The following SPINK8 variants were observed in gnomAD, a reference collection of about 807,000 sequenced individuals.
The protein encoded by SPINK8 is serine peptidase inhibitor Kazal type 8 (putative).
SPINK8 carries 12 observed loss-of-function variants against 14.4 expected under a neutral mutation model. The observed-to-expected ratio is 0.83, with a 90% CI of 0.53 to 1.35. The LOEUF is 1.35. SPINK8 is among the 40% of genes most tolerant of loss of function. The pLI is 0.00. For missense variants in SPINK8, 103 were observed against 117.0 expected (o/e 0.88, Z 0.55); for synonymous variants, 32 against 37.6 (o/e 0.85, Z 0.55).
Position 48,309,887 on chromosome 3 carries a change from A to G in SPINK8, c.282+17T>C. The G allele has an allele frequency of 6.9e-7, 1 of 1,454,760 alleles. No individual in the cohort carries two copies. The highest frequency in any genetic ancestry group is 9.0e-7 in the Non-Finnish European group (1 of 1,106,068). 90.1% of individuals were successfully genotyped at this position (1,454,760 alleles called of 1,614,324 possible). A position where few individuals can be genotyped will look rare whatever the true frequency, so the allele number is the denominator to read the frequency against. The stretch of plus-strand genomic sequence containing the variant: ...AGTTTACTTCTAAAAATAAAAAATA[A>G]AAGTGTCTTTACTTACACATTGTCC... On this transcript the variant is annotated intron_variant, in intron 7 of 7. Coordinates refer to ENST00000434006, the MANE Select transcript of SPINK8 (RefSeq NM_001080525.3).
At chr3:48,329,322 A>T (rs1481561617) in intron 2 of SPINK8, among the ~76,000 whole-genome samples, 48 bp from the exon 3 acceptor site, 1 of 151,976 alleles carries the variant, frequency 6.6e-6, no homozygotes, top group Non-Finnish European at 1.5e-5. Context: ...TGTAGATATG[A>T]CTCAAATCTA....
At position 48,314,727 on chromosome 3, in the gene SPINK8, C is replaced by A. The variant is rs188614036; in HGVS notation, c.239+4770G>T. Among the ~76,000 whole-genome samples the A allele has an allele frequency of 1.3e-3, 199 of 152,316 alleles. 2 individuals are homozygous for A. The highest frequency in any genetic ancestry group is 4.5e-3 in the African/African-American group (187 of 41,566). On this transcript the variant is annotated intron_variant, in intron 6 of 7. Coordinates refer to ENST00000434006, the MANE Select transcript of SPINK8 (RefSeq NM_001080525.3). ...ACAATCAGAGGCAACTGTTTAACAT[C>A]ATGGCTGCTGCACAGTGTGTAACAG...
rs535949118 is a variant in SPINK8, at chr3:48,329,595, G to C, written c.-135-321C>G. ...TCTGCATGTGCAGTTATTTTATCAA[G>C]TCAAAAGTGTTCACTTTATTGAAGC... is the stretch of plus-strand genomic sequence containing the variant. On this transcript the variant is annotated intron_variant, in intron 2 of 7. Transcript: ENST00000434006. Among the ~76,000 whole-genome samples, 9 of 152,338 alleles carry C rather than the reference G, an allele frequency of 5.9e-5. No homozygotes were observed. In the South Asian group the frequency reaches 1.9e-3, roughly 32 times the overall value.
chr3:48,319,237 G>T (rs1188616651), intron 6 of SPINK8, among the ~76,000 whole-genome samples: 1 of 152,146 alleles, frequency 6.6e-6, no homozygotes, highest in Admixed American at 6.5e-5. Flanking sequence ...GTTTCTGAGT[G>T]CCTCCACTTG....
intron 6 of SPINK8, among the ~76,000 whole-genome samples, chr3:48,312,147 A>C (rs1040326475): frequency 8.5e-5 from 13 of 152,058 alleles, no homozygotes; most frequent in Non-Finnish European, 2.9e-5. Context: ...AAAAAAAAAA[A>C]AAGTATAATA....
At position 48,319,595 on chromosome 3, in the gene SPINK8, A is replaced by G; in HGVS notation, c.141T>C (p.Asn47=). 1 of 1,613,934 alleles carries G rather than the reference A, an allele frequency of 6.2e-7. No individual in the cohort carries two copies. The highest frequency in any genetic ancestry group is 1.1e-5 in the South Asian group (1 of 91,066). The change falls in exon 6 of 8, where the codon AAT becomes AAC. Residue 47 remains asparagine (N), a synonymous_variant. Transcript: ENST00000434006. ...KTIVECLKNV[N]KCWFLSYIKP... The stretch of plus-strand genomic sequence containing the variant: ...TGATGTAGGATAAAAACCAGCACTT[A>G]TTTACATTCTTGAGGCATTCAACCT...
intron 6 of SPINK8, among the ~76,000 whole-genome samples, chr3:48,310,496 A>ATTT (rs199919970): frequency 9.0e-5 from 8 of 88,674 alleles, no homozygotes; most frequent in Non-Finnish European, 2.1e-4. Flanking sequence ...CAAAAAAAAA[A>ATTT]TTTTTTTTTT....
intron 4 of SPINK8, among the ~76,000 whole-genome samples, chr3:48,321,662 A>T (rs1447279531): frequency 6.6e-6 from 1 of 151,888 alleles, no homozygotes; most frequent in African/African-American, 2.4e-5. Flanking sequence ...AAAAATACAA[A>T]AATTAGCCAG....
chr3:48,318,036 G>A (rs1301683739), intron 6 of SPINK8, among the ~76,000 whole-genome samples: 3 of 151,710 alleles, frequency 2.0e-5, no homozygotes, highest in African/African-American at 7.3e-5. Context: ...CACCCCTCCA[G>A]GCAAAAATAT....
chr3:48,326,390 C>G (rs1456496312), intron 4 of SPINK8, among the ~76,000 whole-genome samples: 4 of 151,862 alleles, frequency 2.6e-5, no homozygotes, highest in Non-Finnish European at 5.9e-5. Context: ...GGCAGGTCAC[C>G]TGAGGTCAGG....
intron 6 of SPINK8, among the ~76,000 whole-genome samples, chr3:48,310,994 TACC>T (rs1217617990): frequency 6.6e-6 from 1 of 151,376 alleles, no homozygotes; most frequent in Non-Finnish European, 1.5e-5. Flanking sequence ...CTCAGAAAAA[TACC>T]AACAAATTGA....
intron 4 of SPINK8, among the ~76,000 whole-genome samples, chr3:48,325,401 AAGTAT>A (rs1335278598): frequency 7.1e-6 from 1 of 141,560 alleles, no homozygotes; most frequent in Non-Finnish European, 1.6e-5. Context: ...CTAAGTAAGT[AAGTAT>A]TTTTTTAATG....
At chr3:48,322,702 T>C (rs1182731392) in intron 4 of SPINK8, among the ~76,000 whole-genome samples, 2 of 152,192 alleles carry the variant, frequency 1.3e-5, no homozygotes, top group African/African-American at 4.8e-5. Context: ...TGCAACGAAG[T>C]ATATGGTTTT....
chr3:48,321,014 G>T lies in SPINK8; in HGVS notation c.117+11C>A. 1 of 1,586,770 alleles carries T rather than the reference G, an allele frequency of 6.3e-7. No individual in the cohort carries two copies. The highest frequency in any genetic ancestry group is 8.6e-7 in the Non-Finnish European group (1 of 1,165,292). On this transcript the variant is annotated intron_variant, in intron 5 of 7. Coordinates refer to ENST00000434006, the MANE Select transcript of SPINK8 (RefSeq NM_001080525.3). ...ATTCCTGTTATTAGGAACCAAGGAAGCAGTACTCACTATTGTTTTGTCTAG... is the reference window on the plus strand; with the variant it reads ...ATTCCTGTTATTAGGAACCAAGGAATCAGTACTCACTATTGTTTTGTCTAG...
At chr3:48,325,538 C>G (rs1488092283) in intron 4 of SPINK8, among the ~76,000 whole-genome samples, 1 of 151,858 alleles carries the variant, frequency 6.6e-6, no homozygotes, top group African/African-American at 2.4e-5. Flanking sequence ...GCTTCTCCTG[C>G]CTCAGCCTCC....
At chr3:48,315,759 T>C (rs940323664) in intron 6 of SPINK8, among the ~76,000 whole-genome samples, 2 of 124,840 alleles carry the variant, frequency 1.6e-5, no homozygotes, top group South Asian at 2.6e-4. Context: ...TGAAGGAAAC[T>C]GTATGTAAAG....
Position 48,319,498 on chromosome 3 carries a change from G to T in SPINK8, c.238C>A (p.Leu80Ile), listed in dbSNP as rs778343722. 7 of 1,613,842 alleles carry T rather than the reference G, an allele frequency of 4.3e-6. No homozygotes were observed. Among genetic ancestry groups the T allele is most frequent in the Non-Finnish European group, 4.2e-6 (5 of 1,179,858 alleles). Residue 80 changes from leucine (L) to isoleucine (I), a missense_variant and splice_region_variant, in exon 6 of 8, where the codon CTA becomes ATA. Physicochemically the swap from Leu to Ile is conservative, Grantham distance 5. Coordinates refer to ENST00000434006, the MANE Select transcript of SPINK8 (RefSeq NM_001080525.3). ...AGGGAGAACAAAATTAGGACTTACAGAATTTTGGAGCACAGATGGCAGTCA... is the reference window on the plus strand; with the variant it reads ...AGGGAGAACAAAATTAGGACTTACATAATTTTGGAGCACAGATGGCAGTCA... ...SSDCHLCSKI[L>I]FEGLNITKLY... is the part of the protein sequence containing the mutation.
chr3:48,321,766 A>T (rs774983866), intron 4 of SPINK8, among the ~76,000 whole-genome samples: 9 of 151,810 alleles, frequency 5.9e-5, no homozygotes, highest in Non-Finnish European at 1.3e-4. Flanking sequence ...GTGAGCCAAG[A>T]TCGCACCATT....
chr3:48,306,945 T>C lies in SPINK8; in HGVS notation c.*47A>G, dbSNP rs2035858080. The C allele has an allele frequency of 1.9e-6, 3 of 1,607,038 alleles. No individual in the cohort carries two copies. Among genetic ancestry groups the C allele is most frequent in the Non-Finnish European group, 1.7e-6 (2 of 1,175,322 alleles). ...TGAAGAGGCAACCATTGTGTTTCAC[T>C]TGGCAATCTGGAGATTCAGTAGGTT... is the stretch of plus-strand genomic sequence containing the variant. On this transcript the variant is annotated 3_prime_UTR_variant, in exon 8 of 8. Transcript: ENST00000434006.
Sources: allele counts gnomAD v4.1 joint callset (sites outside exome capture counted in the v4.1 genomes callset), GRCh38; gene constraint gnomAD v4.1.1; transcripts MANE v1.5; gene names NCBI Gene and HGNC (gene_info 2026-07-23, HGNC 2026-07-21).